The following PTPRG variants were observed in gnomAD, a reference collection of about 807,000 sequenced individuals.
PTPRG encodes the protein protein tyrosine phosphatase receptor type G, also known as receptor-type tyrosine-protein phosphatase gamma.
PTPRG carries 102 observed loss-of-function variants against 165.3 expected under a neutral mutation model. The ratio of observed to expected loss-of-function variants is 0.62; its 90% CI spans 0.53 to 0.73. The LOEUF (loss-of-function observed/expected upper bound fraction) is 0.73. PTPRG is among the 30% of genes least tolerant of loss of function. The probability of loss-of-function intolerance (pLI) is 0.00; values close to 1 mark genes in which losing one functional copy is unlikely to be tolerated. For missense variants in PTPRG, 1,866 were observed against 1,861.4 expected, an observed-to-expected ratio of 1.00 and a Z score of -0.05; for synonymous variants, 675 against 669.5, an observed-to-expected ratio of 1.01 and a Z score of -0.13.
At chr3:61,925,757 AT>A (rs1319432086) in intron 2 of PTPRG, 3 of 372,988 alleles carry the variant, frequency 8.0e-6, no homozygotes, top group Non-Finnish European at 1.1e-5. Context: ...AAAAAAAAAA[AT>A]CATCATTGGT....
At chr3:61,706,170 A>T (rs1280250517) in intron 1 of PTPRG, among the ~76,000 whole-genome samples, 1 of 152,098 alleles carries the variant, frequency 6.6e-6, no homozygotes, top group Non-Finnish European at 1.5e-5. Flanking sequence ...ATTTTGGGCT[A>T]TCACTAAAAA....
chr3:62,178,179 A>G (rs1203582423), intron 8 of PTPRG, among the ~76,000 whole-genome samples: 1 of 151,646 alleles, frequency 6.6e-6, no homozygotes, highest in Non-Finnish European at 1.5e-5. Context: ...GGATGGATGG[A>G]TGGATGCACA....
chr3:61,636,277 G>T (rs1049177561), intron 1 of PTPRG, among the ~76,000 whole-genome samples: 8 of 152,018 alleles, frequency 5.3e-5, no homozygotes, highest in Non-Finnish European at 1.0e-4. Flanking sequence ...TCTTATTTTA[G>T]AACATTTTTA....
chr3:61,918,027 C>CT (rs1324172996), intron 2 of PTPRG, among the ~76,000 whole-genome samples: 1 of 152,150 alleles, frequency 6.6e-6, no homozygotes, highest in African/African-American at 2.4e-5. Flanking sequence ...AATCATGTAG[C>CT]TTAGAGATCA....
intron 8 of PTPRG, among the ~76,000 whole-genome samples, chr3:62,180,663 T>A (rs997713738): frequency 8.5e-5 from 13 of 152,210 alleles, no homozygotes; most frequent in Non-Finnish European, 1.3e-4. Context: ...GCAGCTGTTA[T>A]CAAGTGAGGC....
At chr3:62,049,999 A>T (rs1028641864) in intron 4 of PTPRG, among the ~76,000 whole-genome samples, 6 of 152,358 alleles carry the variant, frequency 3.9e-5, no homozygotes, top group African/African-American at 1.4e-4. Flanking sequence ...CTACCAGTGG[A>T]CTGGAAAATC....
At chr3:62,071,250 G>A (rs1001158991) in intron 4 of PTPRG, among the ~76,000 whole-genome samples, 2 of 152,076 alleles carry the variant, frequency 1.3e-5, no homozygotes, top group African/African-American at 2.4e-5. Flanking sequence ...ATGTGTGGGG[G>A]GCACGTGGGA....
At chr3:62,131,885 G>T (rs1703529161) in intron 5 of PTPRG, among the ~76,000 whole-genome samples, 1 of 152,100 alleles carries the variant, frequency 6.6e-6, no homozygotes, top group East Asian at 1.9e-4. Flanking sequence ...ATGTCTAAAA[G>T]AAAATACTTG....
At chr3:61,735,558 G>A (rs1017139042) in intron 1 of PTPRG, among the ~76,000 whole-genome samples, 5 of 151,096 alleles carry the variant, frequency 3.3e-5, no homozygotes, top group Non-Finnish European at 7.4e-5. Context: ...TTGAAATGCC[G>A]GGGACAGGCC....
At chr3:62,030,124 C>G (rs961683440) in intron 4 of PTPRG, among the ~76,000 whole-genome samples, 3 of 151,930 alleles carry the variant, frequency 2.0e-5, no homozygotes, top group African/African-American at 4.8e-5. Context: ...TATCCAAACA[C>G]AGGTTTAACT....
At chr3:61,978,213 A>T (rs2040554266) in intron 2 of PTPRG, among the ~76,000 whole-genome samples, 1 of 152,164 alleles carries the variant, frequency 6.6e-6, no homozygotes, top group Non-Finnish European at 1.5e-5. Flanking sequence ...TTACTTTTGC[A>T]GTATGGATTG....
chr3:61,639,476 G>A (rs1702005643), intron 1 of PTPRG, among the ~76,000 whole-genome samples: 1 of 152,146 alleles, frequency 6.6e-6, no homozygotes, highest in Non-Finnish European at 1.5e-5. Context: ...TAGGAATAGT[G>A]TTAAATCTGT....
At chr3:62,169,856 AG>A (rs1376572713) in intron 8 of PTPRG, among the ~76,000 whole-genome samples, 1 of 152,172 alleles carries the variant, frequency 6.6e-6, no homozygotes, top group Non-Finnish European at 1.5e-5. Context: ...AAAAGGGAAC[AG>A]TTTATTGGCA....
chr3:61,871,938 C>T (rs17065558), intron 2 of PTPRG, among the ~76,000 whole-genome samples: 1,773 of 152,268 alleles, frequency 0.012, 36 homozygotes, highest in African/African-American at 0.04. Flanking sequence ...AGCTGAATGT[C>T]CTTCTCCAAG....
intron 2 of PTPRG, among the ~76,000 whole-genome samples, chr3:61,784,031 A>G (rs1007466929): frequency 6.6e-6 from 1 of 152,216 alleles, no homozygotes; most frequent in Admixed American, 6.5e-5. Context: ...TTATAGAGCA[A>G]TATCCCCTGA....
intron 4 of PTPRG, among the ~76,000 whole-genome samples, chr3:62,042,883 A>C (rs563083792): frequency 1.9e-4 from 29 of 152,326 alleles, no homozygotes; most frequent in Middle Eastern, 3.4e-3. Flanking sequence ...TCCTAGAAAC[A>C]CATCAAGGAG....
At chr3:61,955,979 T>G (rs963856422) in intron 2 of PTPRG, among the ~76,000 whole-genome samples, 1 of 152,038 alleles carries the variant, frequency 6.6e-6, no homozygotes, top group Non-Finnish European at 1.5e-5. Context: ...GAACAGAATC[T>G]CAATTTCAGA....
intron 2 of PTPRG, among the ~76,000 whole-genome samples, chr3:61,828,590 C>G (rs1384618653): frequency 6.6e-6 from 1 of 152,150 alleles, no homozygotes; most frequent in Non-Finnish European, 1.5e-5. Context: ...TCTGGCCTTT[C>G]AAGGAAGTGC....
At chr3:62,124,003 C>A (rs1351099758) in intron 5 of PTPRG, among the ~76,000 whole-genome samples, 1 of 151,910 alleles carries the variant, frequency 6.6e-6, no homozygotes, top group East Asian at 1.9e-4. Context: ...TCATAAATAA[C>A]GAATATCACA....
Sources: allele counts gnomAD v4.1 joint callset (sites outside exome capture counted in the v4.1 genomes callset), GRCh38; gene constraint gnomAD v4.1.1; transcripts MANE v1.5; gene names NCBI Gene and HGNC (gene_info 2026-07-23, HGNC 2026-07-21).